Variants in SETD2 observed in about 807,000 individuals in gnomAD.
The protein encoded by SETD2 is histone-lysine N-methyltransferase SETD2.
In SETD2, 31 loss-of-function variants were observed where a neutral mutation model predicts 242.1. The observed-to-expected ratio is 0.13, with a 90% CI of 0.10 to 0.17. The LOEUF is 0.17. Among genes scored for constraint, SETD2 ranks in the 10% least tolerant of loss-of-function variants. SETD2 has a pLI of 1.00. For synonymous variants in SETD2, 1,006 were observed against 1,066.5 expected, an observed-to-expected ratio of 0.94 and a Z score of 1.11; for missense variants, 2,481 against 3,046.3, an observed-to-expected ratio of 0.81 and a Z score of 4.37.
At chr3:47,066,988 C>G (rs2107599746) in intron 13 of SETD2, 82 bp downstream of exon 13, 2 of 1,021,946 alleles carry the variant, frequency 2.0e-6, no homozygotes, top group South Asian at 3.0e-5. Flanking sequence ...AACAAAAACG[C>G]TTAAGTTCTT....
In SETD2 at chr3:47,056,983, T is replaced by C. The variant is rs1479878894; in HGVS notation, c.6801A>G (p.Gly2267=). Residue 2267 remains glycine, a synonymous_variant, in exon 15 of 21, where the codon GGA becomes GGG. Transcript: ENST00000409792. ...LPVPAPGPVQ[G]QNYSVWDSNQ... is the part of the protein sequence containing the mutation. ...TTGAATCCCAAACACTATAATTCTGTCCCTGAACTGGGCCGGGGGCCGGCA... is the reference window on the plus strand; with the variant it reads ...TTGAATCCCAAACACTATAATTCTGCCCCTGAACTGGGCCGGGGGCCGGCA... The C allele has an allele frequency of 1.2e-6, 2 of 1,614,118 alleles. No individual in the cohort carries two copies. The highest frequency in any genetic ancestry group is 4.5e-5 in the East Asian group (2 of 44,898).
chr3:47,032,905 G>A (rs1036010140), intron 18 of SETD2, among the ~76,000 whole-genome samples: 2 of 151,176 alleles, frequency 1.3e-5, no homozygotes, highest in Non-Finnish European at 2.9e-5. Flanking sequence ...GAACTAGACT[G>A]TCTCAGAGAT....
At position 47,103,339 on chromosome 3, in the gene SETD2, A is replaced by C. The variant is rs746112600; in HGVS notation, c.4917+7T>G. On this transcript the variant is annotated splice_region_variant and intron_variant, in intron 7 of 20. Coordinates refer to ENST00000409792, the MANE Select transcript of SETD2 (RefSeq NM_014159.7). The stretch of plus-strand genomic sequence containing the variant: ...ATACCTCAAACTCTAAATCCACCTC[A>C]ACTTACTTTTTGGGTTTCACAATTT... 1.9e-6 allele frequency: 3 copies of C among 1,597,286 alleles called. No homozygotes were observed. Among genetic ancestry groups the C allele is most frequent in the Non-Finnish European group, 2.6e-6 (3 of 1,164,826 alleles).
rs1429290929 is a variant in SETD2 at position 47,119,988 on chromosome 3, C to T, written c.4454+194G>A. On this transcript the variant is annotated intron_variant, in intron 3 of 20. Transcript: ENST00000409792. ...GACATCTCCTTTCCTGGGGATGGGG[C>T]GGCGGGGGGAATGGGGAAAGGAATC... is the stretch of plus-strand genomic sequence containing the variant. Among the ~76,000 whole-genome samples the T allele has an allele frequency of 2.6e-4, 35 of 133,860 alleles. No homozygotes were observed. In the Admixed American group the frequency reaches 2.7e-3, roughly 10 times the overall value. The allele number at this position is 133,860 out of a possible 152,430, so 87.8% of individuals were successfully genotyped here.
Position 47,124,059 on chromosome 3 carries a change from G to C in SETD2, c.577C>G (p.Pro193Ala), listed in dbSNP as rs2106718916. ...VDSPPSSPPP[P>A]PPPAQATTLS... Reference sequence around the variant, plus strand: ...GTTGTGGCTTGGGCAGGTGGAGGCGGTGGAGGCGGAGATGAGGGCGGTGAG... The same window carrying C: ...GTTGTGGCTTGGGCAGGTGGAGGCGCTGGAGGCGGAGATGAGGGCGGTGAG... The change falls in exon 3 of 21, where the codon CCG (proline) becomes GCG (alanine). Residue 193 changes from proline (P) to alanine (A), a missense_variant. Around this residue, in one of 17 missense-constraint regions of SETD2, gnomAD observed 334 missense variants for 374.5 expected, o/e 0.89. Transcript: ENST00000409792. The C allele has an allele frequency of 6.4e-7, 1 of 1,551,978 alleles. No individual in the cohort carries two copies. The highest frequency in any genetic ancestry group is 8.7e-7 in the Non-Finnish European group (1 of 1,147,052).
At chr3:47,154,345 G>C (rs2044075047) in intron 1 of SETD2, among the ~76,000 whole-genome samples, 1 of 152,002 alleles carries the variant, frequency 6.6e-6, no homozygotes, top group Non-Finnish European at 1.5e-5. Context: ...GGAGGCAAAG[G>C]TTGCAGTGAG....
chr3:47,124,080 G>A lies in SETD2; in HGVS notation c.556C>T (p.Pro186Ser), dbSNP rs1401928631. The part of the protein sequence containing the change: ...VIAESTTVDS[P>S]PSSPPPPPPP... ...GGCGGTGGAGGCGGAGATGAGGGCG[G>A]TGAGTCTACAGTTGTTGATTCTGCT... Residue 186 changes from proline (P) to serine (S), a missense_variant, in exon 3 of 21, where the codon CCG (proline) becomes TCG (serine). Physicochemically the swap from Pro to Ser is moderately conservative, Grantham distance 74 (BLOSUM62 -1). Transcript: ENST00000409792. The A allele has an allele frequency of 1.9e-6, 3 of 1,551,860 alleles. No homozygotes were observed. The highest frequency in any genetic ancestry group is 2.6e-6 in the Non-Finnish European group (3 of 1,147,030).
At chr3:47,078,519 CTTTTTTTTTTT>C (rs71098448) in intron 12 of SETD2, among the ~76,000 whole-genome samples, 4 of 71,280 alleles carry the variant, frequency 5.6e-5, no homozygotes, top group African/African-American at 1.2e-4. Flanking sequence ...GATTCTCAGC[CTTTTTTTTTTT>C]TTTTTTTTTT....
intron 6 of SETD2, 83 bp downstream of exon 6, chr3:47,105,914 A>AGAACC (rs771640547): frequency 1.4e-5 from 21 of 1,473,344 alleles, no homozygotes; most frequent in Non-Finnish European, 1.8e-5. Context: ...AAAAAAAAAA[A>AGAACC]AAAAAAAAAA....
rs2042749851 is a variant in SETD2, at chr3:47,113,815, G to C, written c.4715+61C>G. On this transcript the variant is annotated intron_variant, in intron 5 of 20. Coordinates refer to ENST00000409792, the MANE Select transcript of SETD2 (RefSeq NM_014159.7). Reference sequence around the variant, plus strand: ...GATCGTGCCACTGCACTCCAGTCTGGGTGAAAGAGTGAGACCTTGTCTCAA... The same window carrying C: ...GATCGTGCCACTGCACTCCAGTCTGCGTGAAAGAGTGAGACCTTGTCTCAA... 3.9e-6 allele frequency: 6 copies of C among 1,546,938 alleles called. No individual in the cohort carries two copies. The Admixed American group carries it at 1.1e-4, about 29-fold the overall frequency.
At chr3:47,132,488 A>C (rs1221565743) in intron 1 of SETD2, among the ~76,000 whole-genome samples, 1 of 152,176 alleles carries the variant, frequency 6.6e-6, no homozygotes, top group Non-Finnish European at 1.5e-5. Context: ...CTCTGTCTCA[A>C]ACAAAAACAA....
chr3:47,128,957 G>A (rs1318225200), intron 1 of SETD2, among the ~76,000 whole-genome samples: 1 of 152,090 alleles, frequency 6.6e-6, no homozygotes, highest in Non-Finnish European at 1.5e-5. Context: ...GCACACATAC[G>A]AAATGCTAGA....
rs200185785 is a variant in SETD2, at chr3:47,122,513, G to T, written c.2123C>A (p.Ser708Tyr). 1 of 1,614,058 alleles carries T rather than the reference G, an allele frequency of 6.2e-7. No individual in the cohort carries two copies. Among genetic ancestry groups the T allele is most frequent in the African/African-American group, 1.3e-5 (1 of 75,050 alleles). Reference protein sequence around the residue: ...SDDSVTGSELSPLVKACMLSS... With the variant: ...SDDSVTGSELYPLVKACMLSS... ...AAGCATGCATGCTTTGACCAAAGGGGATAATTCCGATCCAGTCACACTATC... is the reference window on the plus strand; with the variant it reads ...AAGCATGCATGCTTTGACCAAAGGGTATAATTCCGATCCAGTCACACTATC... Residue 708 changes from serine (S) to tyrosine (Y), a missense_variant, in exon 3 of 21, where the codon TCC becomes TAC. Around this residue, in one of 17 missense-constraint regions of SETD2, gnomAD observed 1,300 missense variants for 1,259.2 expected, o/e 1.03. Transcript: ENST00000409792.
chr3:47,155,957 T>C (rs570311754), intron 1 of SETD2, among the ~76,000 whole-genome samples: 3 of 152,258 alleles, frequency 2.0e-5, no homozygotes, highest in South Asian at 2.1e-4. Flanking sequence ...TCTTAGTGTA[T>C]TACAAAATCA....
At chr3:47,043,323 T>C (rs543930272) in intron 16 of SETD2, among the ~76,000 whole-genome samples, 2 of 152,262 alleles carry the variant, frequency 1.3e-5, no homozygotes, top group African/African-American at 2.4e-5. Context: ...TTTTATCTAA[T>C]AGGATGGTGT....
rs755400687 is a variant in SETD2 at position 47,086,305 on chromosome 3, A to T, written c.5287T>A (p.Ser1763Thr). 1.2e-6 allele frequency: 2 copies of T among 1,612,044 alleles called. No homozygotes were observed. The highest frequency in any genetic ancestry group is 1.3e-5 in the African/African-American group (1 of 74,850). The change falls in exon 11 of 21, where the codon TCA becomes ACA. Residue 1763 changes from serine (S) to threonine (T), a missense_variant. Ser to Thr is a moderately conservative substitution (Grantham distance 58). Coordinates refer to ENST00000409792, the MANE Select transcript of SETD2 (RefSeq NM_014159.7). The stretch of plus-strand genomic sequence containing the variant: ...AGAAAGGACTTCAGGCAGGACTGTG[A>T]GTGTGTGTTCTTTCATGGGGGAAGG... ...TCLELIQNTH[S>T]QSCLKSFLER...
At chr3:47,107,440 T>C (rs921063419) in intron 5 of SETD2, among the ~76,000 whole-genome samples, 4 of 151,768 alleles carry the variant, frequency 2.6e-5, no homozygotes, top group Admixed American at 1.3e-4. Flanking sequence ...AAAAACAGGA[T>C]TGGAGAAGTT....
chr3:47,033,476 G>A (rs1363351189), intron 18 of SETD2, among the ~76,000 whole-genome samples: 2 of 152,142 alleles, frequency 1.3e-5, no homozygotes, highest in African/African-American at 4.8e-5. Context: ...CTAGAAGGAG[G>A]CTGGCTTGAA....
intron 16 of SETD2, among the ~76,000 whole-genome samples, chr3:47,044,691 T>C (rs894632315): frequency 1.9e-4 from 29 of 152,208 alleles, no homozygotes; most frequent in African/African-American, 6.8e-4. Context: ...CCTACATATG[T>C]TGCAGAATAC....
Sources: gnomAD v4.1 joint callset for allele counts (sites outside exome capture counted in the v4.1 genomes callset) on GRCh38, gnomAD v4.1.1 for gene constraint, gnomAD v4.1.1 regional missense constraint, MANE v1.5 for transcripts, NCBI Gene and HGNC (gene_info 2026-07-23, HGNC 2026-07-21) for gene names.